AFG2B: variants seen among roughly 807,000 people sequenced by gnomAD.
AFG2B encodes the protein ATPase family gene 2 protein homolog B.
chr15:45,414,519 T>A, the AFG2B span: 1 of 1,530,854 alleles, frequency 6.5e-7, no homozygotes, highest in East Asian at 2.3e-5. Flanking sequence ...CTGGATGATA[T>A]GACATTTTAT....
At chr15:45,413,222 T>C in the AFG2B span, among the ~76,000 whole-genome samples, 1 of 152,120 alleles carries the variant, frequency 6.6e-6, no homozygotes, top group Non-Finnish European at 1.5e-5. Flanking sequence ...GCTCCCAGAG[T>C]CCTCCTCTTG....
the AFG2B span, among the ~76,000 whole-genome samples, chr15:45,412,913 T>G: frequency 2.0e-5 from 3 of 152,242 alleles, no homozygotes; most frequent in Non-Finnish European, 4.4e-5. Flanking sequence ...CCTAATGAAC[T>G]AGGTTTCTCT....
chr15:45,420,201 A>C, the AFG2B span, among the ~76,000 whole-genome samples: 1 of 152,154 alleles, frequency 6.6e-6, no homozygotes, highest in Non-Finnish European at 1.5e-5. Flanking sequence ...TAGTATATGA[A>C]TATTCTACAT....
chr15:45,418,478 G>C, the AFG2B span: 1 of 1,425,522 alleles, frequency 7.0e-7, no homozygotes, highest in Non-Finnish European at 9.4e-7. Context: ...GGAAACTCAA[G>C]CTAAAAATAT....
the AFG2B span, among the ~76,000 whole-genome samples, chr15:45,409,486 T>C: frequency 6.6e-6 from 1 of 151,974 alleles, no homozygotes. Flanking sequence ...TAGAGGACAA[T>C]TTGGTAATAG....
At chr15:45,412,759 A>T in the AFG2B span, among the ~76,000 whole-genome samples, 1 of 152,206 alleles carries the variant, frequency 6.6e-6, no homozygotes, top group Non-Finnish European at 1.5e-5. Flanking sequence ...AGGGACTGGT[A>T]AAAGCACAAA....
the AFG2B span, among the ~76,000 whole-genome samples, chr15:45,407,459 G>C: frequency 2.2e-3 from 336 of 152,256 alleles, no homozygotes; most frequent in African/African-American, 7.0e-3. Flanking sequence ...CTATAAATGA[G>C]ATTTTCAAAT....
chr15:45,413,787 A>G, the AFG2B span, among the ~76,000 whole-genome samples: 1 of 152,074 alleles, frequency 6.6e-6, no homozygotes, highest in Non-Finnish European at 1.5e-5. Flanking sequence ...CTTGAATTAC[A>G]TTGTCTGGGG....
chr15:45,403,566 C>A, the AFG2B span: 1 of 1,578,048 alleles, frequency 6.3e-7, no homozygotes, highest in Non-Finnish European at 8.5e-7. Context: ...ACCTCGGCCG[C>A]TTCTGGCGCC....
the AFG2B span, chr15:45,407,054 T>G: frequency 7.8e-7 from 1 of 1,289,100 alleles, no homozygotes; most frequent in East Asian, 5.5e-5. Context: ...TAAGCACCTC[T>G]CACTTAGGTG....
At chr15:45,408,929 T>C in the AFG2B span, among the ~76,000 whole-genome samples, 1 of 152,148 alleles carries the variant, frequency 6.6e-6, no homozygotes, top group East Asian at 1.9e-4. Flanking sequence ...AGCATCCAAT[T>C]CTTGCTCATA....
the AFG2B span, chr15:45,415,648 T>A: frequency 1.9e-6 from 3 of 1,614,124 alleles, no homozygotes; most frequent in Non-Finnish European, 2.5e-6. Context: ...ATTGATTCAA[T>A]CTTGGGAGCT....
the AFG2B span, chr15:45,410,439 C>T: frequency 1.7e-5 from 27 of 1,613,754 alleles, no homozygotes; most frequent in East Asian, 6.7e-5. Flanking sequence ...CAGCCCTCAT[C>T]GTTTCGAAGC....
chr15:45,420,976 G>C, the AFG2B span: 1 of 1,529,958 alleles, frequency 6.5e-7, no homozygotes, highest in Admixed American at 2.0e-5. Flanking sequence ...TGGGCAATAA[G>C]AGCAAAACTC....
the AFG2B span, chr15:45,420,923 C>T: frequency 1.1e-5 from 10 of 936,230 alleles, no homozygotes; most frequent in East Asian, 3.2e-5. Flanking sequence ...AACCAGAAGA[C>T]GGAGGTTGCA....
At chr15:45,414,780 GGTTT>G in the AFG2B span, 8 of 1,612,730 alleles carry the variant, frequency 5.0e-6, no homozygotes, top group Admixed American at 1.7e-5. Context: ...TGTTGTCTCA[GGTTT>G]GTTTATTTCC....
the AFG2B span, chr15:45,402,475 C>T: frequency 6.2e-7 from 1 of 1,610,062 alleles, no homozygotes; most frequent in African/African-American, 1.3e-5. Flanking sequence ...GCTCTTAAAG[C>T]TGCTACCCTT....
the AFG2B span, chr15:45,406,956 C>T: frequency 1.7e-6 from 2 of 1,193,102 alleles, no homozygotes; most frequent in Admixed American, 4.6e-5. Context: ...GAATAGATGT[C>T]TTTTGAGGGA....
At chr15:45,411,418 A>G in the AFG2B span, among the ~76,000 whole-genome samples, 1 of 152,166 alleles carries the variant, frequency 6.6e-6, no homozygotes, top group Non-Finnish European at 1.5e-5. Context: ...GGGCTCAAGC[A>G]GTCCTTCTGC....
Sources: gnomAD v4.1 joint callset for allele counts (sites outside exome capture counted in the v4.1 genomes callset) on GRCh38, gnomAD v4.1.1 for gene constraint, MANE v1.5 for transcripts, NCBI Gene and HGNC (gene_info 2026-07-23, HGNC 2026-07-21) for gene names.